SH2D4A: variants seen among roughly 807,000 people sequenced by gnomAD.
SH2D4A encodes the protein SH2 domain-containing protein 4A.
Under a neutral mutation model 64.7 loss-of-function variants are expected in SH2D4A, and 70 were observed. The ratio of observed to expected loss-of-function variants is 1.08; its 90% CI spans 0.89 to 1.32. The LOEUF is 1.32. Among genes scored for constraint, SH2D4A ranks in the 40% most tolerant of loss-of-function variants. SH2D4A has a pLI of 0.00. For synonymous variants in SH2D4A, 268 were observed against 200.7 expected (o/e 1.34, Z -2.83); for missense variants, 706 against 540.1 (o/e 1.31, Z -3.04).
intron 4 of SH2D4A, among the ~76,000 whole-genome samples, chr8:19,348,150 C>T (rs1269740250): frequency 6.6e-6 from 1 of 152,138 alleles, no homozygotes; most frequent in Non-Finnish European, 1.5e-5. Flanking sequence ...GGCTGGAGTG[C>T]CACGGTGCAA....
At position 19,333,191 on chromosome 8, in the gene SH2D4A, C is replaced by T. The variant is rs1574286; in HGVS notation, c.341+77C>T. ...AAACATTGCAAACACACCTCTTGCT[C>T]ACAGTATCAGGTGGGAGAGTAGGGT... On this transcript the variant is annotated intron_variant, in intron 3 of 9. Transcript: ENST00000265807. 4.9e-3 allele frequency: 7,218 copies of T among 1,485,236 alleles called. 329 individuals carry two copies. In the African/African-American group the frequency reaches 0.088, roughly 18 times the overall value. 92.0% of individuals were successfully genotyped at this position (1,485,236 alleles called of 1,614,324 possible).
intron 8 of SH2D4A, among the ~76,000 whole-genome samples, chr8:19,374,841 A>G (rs1313520450): frequency 6.6e-6 from 1 of 152,174 alleles, no homozygotes; most frequent in Non-Finnish European, 1.5e-5. Flanking sequence ...ATTATGCATT[A>G]GCCGCGGCTG....
intron 4 of SH2D4A, among the ~76,000 whole-genome samples, chr8:19,343,446 C>T (rs2052559558): frequency 2.0e-5 from 3 of 151,874 alleles, no homozygotes; most frequent in Non-Finnish European, 4.4e-5. Context: ...CAAACAAAAA[C>T]TGGGATTTTT....
chr8:19,338,701 G>A (rs956104893), intron 4 of SH2D4A, among the ~76,000 whole-genome samples: 1 of 152,174 alleles, frequency 6.6e-6, no homozygotes, highest in African/African-American at 2.4e-5. Context: ...ACGCAGCTCT[G>A]TTGACACCTT....
chr8:19,385,369 C>T (rs1257835115), intron 8 of SH2D4A, among the ~76,000 whole-genome samples: 2 of 152,116 alleles, frequency 1.3e-5, no homozygotes, highest in East Asian at 1.9e-4. Flanking sequence ...GGCCACCACA[C>T]CCTGCTAAGT....
At chr8:19,342,321 C>T (rs756225961) in intron 4 of SH2D4A, among the ~76,000 whole-genome samples, 9 of 152,192 alleles carry the variant, frequency 5.9e-5, no homozygotes, top group Non-Finnish European at 1.0e-4. Flanking sequence ...GTAAATCCTA[C>T]AGTTACTTCT....
At position 19,395,230 on chromosome 8, in the gene SH2D4A, G is replaced by A. The variant is rs923561757; in HGVS notation, c.*588G>A. 1.3e-5 allele frequency: 2 copies of A among 152,388 alleles called. No individual in the cohort carries two copies. The highest frequency in any genetic ancestry group is 4.8e-5 in the African/African-American group (2 of 41,586). 9.4% of individuals were successfully genotyped at this position (152,388 alleles called of 1,614,324 possible). The stretch of plus-strand genomic sequence containing the variant: ...GCATGAAAATACAGATGGACCTGCA[G>A]GAAAGTGAGCAAACATCGCTGAGTT... On this transcript the variant is annotated 3_prime_UTR_variant, in exon 10 of 10. Coordinates refer to ENST00000265807, the MANE Select transcript of SH2D4A (RefSeq NM_022071.4).
chr8:19,366,587 G>A (rs576827344), intron 7 of SH2D4A, among the ~76,000 whole-genome samples: 17 of 152,158 alleles, frequency 1.1e-4, no homozygotes, highest in Non-Finnish European at 2.1e-4. Context: ...ATGAGGTCAG[G>A]AGTTCGAGAC....
chr8:19,379,201 A>G (rs2053249262), intron 8 of SH2D4A, among the ~76,000 whole-genome samples: 1 of 152,184 alleles, frequency 6.6e-6, no homozygotes, highest in Non-Finnish European at 1.5e-5. Flanking sequence ...AGCCCCTGGC[A>G]ACTACCATGG....
At chr8:19,389,100 A>T (rs1216906019) in intron 8 of SH2D4A, among the ~76,000 whole-genome samples, 2 of 152,224 alleles carry the variant, frequency 1.3e-5, no homozygotes, top group African/African-American at 2.4e-5. Context: ...TAGGATCAGG[A>T]CACGTCATGT....
chr8:19,379,776 G>A (rs1263818674), intron 8 of SH2D4A, among the ~76,000 whole-genome samples: 3 of 152,046 alleles, frequency 2.0e-5, no homozygotes, highest in African/African-American at 7.2e-5. Flanking sequence ...TTGCTCTGTT[G>A]CCTAGGCTGG....
chr8:19,359,124 C>G (rs956970901), intron 5 of SH2D4A, among the ~76,000 whole-genome samples: 7 of 152,162 alleles, frequency 4.6e-5, no homozygotes, highest in African/African-American at 1.7e-4. Context: ...AGACGCAGGA[C>G]AAGTTCCTTA....
chr8:19,356,880 AG>A (rs1322340637), intron 4 of SH2D4A, among the ~76,000 whole-genome samples: 1 of 152,242 alleles, frequency 6.6e-6, no homozygotes, highest in African/African-American at 2.4e-5. Flanking sequence ...GAATTTAAAT[AG>A]GGGGTAATGT....
intron 4 of SH2D4A, among the ~76,000 whole-genome samples, chr8:19,355,956 T>C (rs1370064563): frequency 6.6e-6 from 1 of 152,230 alleles, no homozygotes; most frequent in Non-Finnish European, 1.5e-5. Context: ...AAGTTATTTA[T>C]TTGTCTTCAG....
At chr8:19,380,085 G>A (rs1045815215) in intron 8 of SH2D4A, among the ~76,000 whole-genome samples, 3 of 151,996 alleles carry the variant, frequency 2.0e-5, no homozygotes, top group Non-Finnish European at 4.4e-5. Context: ...TGGGTGTGAG[G>A]TCATATGTCA....
chr8:19,371,939 G>A (rs185011790), intron 7 of SH2D4A, among the ~76,000 whole-genome samples: 1 of 151,988 alleles, frequency 6.6e-6, no homozygotes, highest in Admixed American at 6.6e-5. Flanking sequence ...AATTGACTCT[G>A]TTCTTTCTTG....
chr8:19,382,642 C>A (rs1395667734), intron 8 of SH2D4A, among the ~76,000 whole-genome samples: 6 of 151,990 alleles, frequency 3.9e-5, no homozygotes, highest in Non-Finnish European at 8.8e-5. Flanking sequence ...TGATAATATT[C>A]TCAACTTATG....
chr8:19,370,945 A>G (rs566674620), intron 7 of SH2D4A, among the ~76,000 whole-genome samples: 15 of 152,276 alleles, frequency 9.9e-5, no homozygotes, highest in African/African-American at 3.4e-4. Flanking sequence ...AGTTATAACA[A>G]GTTATTTTAG....
intron 2 of SH2D4A, among the ~76,000 whole-genome samples, chr8:19,325,655 G>T (rs1585146800): frequency 6.6e-6 from 1 of 152,160 alleles, no homozygotes; most frequent in South Asian, 2.1e-4. Flanking sequence ...TTCCAGCGGA[G>T]GTTCTCTCGT....
Sources: allele counts gnomAD v4.1 joint callset (sites outside exome capture counted in the v4.1 genomes callset), GRCh38; gene constraint gnomAD v4.1.1; transcripts MANE v1.5; gene names NCBI Gene and HGNC (gene_info 2026-07-23, HGNC 2026-07-21).